The following KIRREL3 variants were observed in gnomAD, a reference collection of about 807,000 sequenced individuals.
KIRREL3 encodes kin of IRRE-like protein 3.
In KIRREL3, 36 loss-of-function variants were observed where a neutral mutation model predicts 89.7. The observed-to-expected ratio is 0.40, with a 90% CI of 0.31 to 0.53. The LOEUF (loss-of-function observed/expected upper bound fraction) is 0.53. KIRREL3 is among the 20% of genes least tolerant of loss of function. The pLI, the probability that KIRREL3 is intolerant of heterozygous loss-of-function variation, is 0.49. For missense variants in KIRREL3, 864 were observed against 1,056.6 expected (o/e 0.82, Z 2.53); for synonymous variants, 445 against 441.4 (o/e 1.01, Z -0.10).
intron 1 of KIRREL3, among the ~76,000 whole-genome samples, chr11:126,864,034 C>T (rs922354264): frequency 3.3e-5 from 5 of 152,232 alleles, no homozygotes; most frequent in African/African-American, 1.2e-4. Context: ...TACTAGTTTC[C>T]TCCGCTCCTC....
At chr11:126,637,518 T>G (rs1304384019) in intron 1 of KIRREL3, among the ~76,000 whole-genome samples, 1 of 152,172 alleles carries the variant, frequency 6.6e-6, no homozygotes, top group East Asian at 1.9e-4. Flanking sequence ...AGAACCCTGG[T>G]GGGCACATTT....
intron 4 of KIRREL3, among the ~76,000 whole-genome samples, chr11:126,497,201 TGAGTGTGAGTGTGTGAGA>T (rs905863009): frequency 1.3e-4 from 5 of 38,892 alleles, no homozygotes; most frequent in Admixed American, 3.0e-4. Context: ...TGAGTGTGTG[TGAGTGTGAGTGTGTGAGA>T]GTGAGTGTGT....
At chr11:126,435,006 G>A (rs1011499177) in intron 13 of KIRREL3, among the ~76,000 whole-genome samples, 1 of 152,134 alleles carries the variant, frequency 6.6e-6, no homozygotes, top group Non-Finnish European at 1.5e-5. Flanking sequence ...GAGCGGGGAC[G>A]AGCAAGAGCC....
At chr11:126,626,702 C>A (rs1015603148) in intron 1 of KIRREL3, among the ~76,000 whole-genome samples, 1 of 152,170 alleles carries the variant, frequency 6.6e-6, no homozygotes, top group Admixed American at 6.5e-5. Flanking sequence ...AAAGAATAAC[C>A]ACAGTTTTGG....
chr11:126,521,490 G>C lies in KIRREL3; in HGVS notation c.284-26C>G. The C allele has an allele frequency of 6.4e-7, 1 of 1,567,262 alleles. No homozygotes were observed. Among genetic ancestry groups the C allele is most frequent in the Non-Finnish European group, 8.6e-7 (1 of 1,156,312 alleles). On this transcript the variant is annotated intron_variant, in intron 3 of 16. Coordinates refer to ENST00000525144, the MANE Select transcript of KIRREL3 (RefSeq NM_032531.4). The surrounding 1 kb of genome is among the most constrained non-coding windows in gnomAD (Gnocchi z 4.1). Reference sequence around the variant, plus strand: ...CTGTGGAGACAACAGGCAGGTCAGGGAGCTGGGGTGGGGTGGAGGGGACAC... The same window carrying C: ...CTGTGGAGACAACAGGCAGGTCAGGCAGCTGGGGTGGGGTGGAGGGGACAC...
rs1478725262 is a variant in KIRREL3 at position 126,664,756 on chromosome 11, C to T, written c.56-101844G>A. Among the ~76,000 whole-genome samples the T allele has an allele frequency of 6.6e-6, 1 of 152,160 alleles. No individual in the cohort carries two copies. The highest frequency in any genetic ancestry group is 1.5e-5 in the Non-Finnish European group (1 of 68,032). ...GGGTCCTGGGAGGCTGTTTCAATGA[C>T]ATCTCATAGAGACACTTTCCTTTCT... is the stretch of plus-strand genomic sequence containing the variant. On this transcript the variant is annotated intron_variant, in intron 1 of 16. Transcript: ENST00000525144. This position sits in a 1 kb window ranked among gnomAD's most constrained non-coding sequence, Gnocchi z 5.4.
chr11:126,795,531 G>C lies in KIRREL3; in HGVS notation c.55+204924C>G, dbSNP rs1365891049. ...ACTACAGGCGTGTGCCACCACACCT[G>C]GCTAATTTTTTTAAAATATATTTTT... On this transcript the variant is annotated intron_variant, in intron 1 of 16. Coordinates refer to ENST00000525144, the MANE Select transcript of KIRREL3 (RefSeq NM_032531.4). The surrounding 1 kb of genome is among the most constrained non-coding windows in gnomAD (Gnocchi z 4.1). Among the ~76,000 whole-genome samples, 1 of 151,906 alleles carries C rather than the reference G, an allele frequency of 6.6e-6. No homozygotes were observed. The highest frequency in any genetic ancestry group is 1.5e-5 in the Non-Finnish European group (1 of 67,990).
At chr11:126,479,561 C>A (rs565631301) in intron 4 of KIRREL3, among the ~76,000 whole-genome samples, 23 of 152,324 alleles carry the variant, frequency 1.5e-4, no homozygotes, top group African/African-American at 5.1e-4. Context: ...AGACCCCAGA[C>A]AATTCACATA....
intron 1 of KIRREL3, among the ~76,000 whole-genome samples, chr11:126,648,129 C>A (rs1370070499): frequency 6.6e-6 from 1 of 152,168 alleles, no homozygotes. Context: ...TTCACTTCTT[C>A]CTCCTGCTCT....
intron 1 of KIRREL3, among the ~76,000 whole-genome samples, chr11:126,840,723 C>T (rs1943938120): frequency 1.3e-5 from 2 of 152,190 alleles, no homozygotes; most frequent in Admixed American, 1.3e-4. Context: ...GCAATTTCTC[C>T]AGGCTGTCTA....
chr11:126,700,369 T>A (rs1162380961), intron 1 of KIRREL3, among the ~76,000 whole-genome samples: 1 of 152,210 alleles, frequency 6.6e-6, no homozygotes, highest in Non-Finnish European at 1.5e-5. Context: ...CTTATTTTCC[T>A]CTTCATTACA....
chr11:126,862,146 C>T (rs541222892), intron 1 of KIRREL3, among the ~76,000 whole-genome samples: 8 of 152,310 alleles, frequency 5.3e-5, no homozygotes, highest in South Asian at 2.1e-4. Flanking sequence ...CTGAGCTCTT[C>T]CCCTAGCATC....
chr11:126,942,176 G>A (rs1257663531), intron 1 of KIRREL3, among the ~76,000 whole-genome samples: 1 of 152,136 alleles, frequency 6.6e-6, no homozygotes, highest in Non-Finnish European at 1.5e-5. Context: ...CTTCATAGCT[G>A]TAATCAAGGT....
At chr11:126,617,313 T>C (rs985931867) in intron 1 of KIRREL3, among the ~76,000 whole-genome samples, 2 of 152,198 alleles carry the variant, frequency 1.3e-5, no homozygotes, top group African/African-American at 4.8e-5. Context: ...TCTTCTCTCT[T>C]ATAACTCTGA....
At chr11:126,425,605 T>G (rs1369929795) in intron 16 of KIRREL3, 33 bp downstream of exon 16, 25 of 1,515,002 alleles carry the variant, frequency 1.7e-5, no homozygotes, top group Non-Finnish European at 2.2e-5. Context: ...CCAGATTCCA[T>G]GGCTGTGTCT....
In KIRREL3 at chr11:126,983,150, CTAACTTA is replaced by C. The variant is rs969448275; in HGVS notation, c.55+17298_55+17304del. Among the ~76,000 whole-genome samples, 5 of 151,916 alleles carry C rather than the reference CTAACTTA, an allele frequency of 3.3e-5. No individual in the cohort carries two copies. Among genetic ancestry groups the C allele is most frequent in the African/African-American group, 1.2e-4 (5 of 41,364 alleles). On this transcript the variant is annotated intron_variant, in intron 1 of 16. Transcript: ENST00000525144. This position sits in a 1 kb window ranked among gnomAD's most constrained non-coding sequence, Gnocchi z 4.9. ...ATATACATGGGGAAGGTCATTTTTT[CTAACTTA>C]TAAGTAGTGAGGCTACTTGTAGGTA...
At position 126,473,410 on chromosome 11, in the gene KIRREL3, C is replaced by G. The variant is rs1231581897; in HGVS notation, c.490G>C (p.Asp164His). Residue 164 changes from aspartate to histidine, a missense_variant, in exon 5 of 17, where the codon GAC (aspartate) becomes CAC (histidine). By Grantham distance (81) the Asp-to-His change is moderately conservative. Coordinates refer to ENST00000525144, the MANE Select transcript of KIRREL3 (RefSeq NM_032531.4). ...GGPVISLRAGDPLNLTCHADN... is the reference protein window; with the variant it reads ...GGPVISLRAGHPLNLTCHADN... ...GCGTGGCAGGTGAGGTTGAGAGGGT[C>G]CCCCGCACGCAGGCTGATCACAGGG... is the stretch of plus-strand genomic sequence containing the variant. 20 of 1,586,126 alleles carry G rather than the reference C, an allele frequency of 1.3e-5. No homozygotes were observed. The highest frequency in any genetic ancestry group is 1.7e-5 in the Non-Finnish European group (20 of 1,163,940).
At position 126,686,969 on chromosome 11, in the gene KIRREL3, C is replaced by T. The variant is rs182394244; in HGVS notation, c.56-124057G>A. 3.5e-4 allele frequency among the ~76,000 whole-genome samples: 53 copies of T among 152,230 alleles called. No homozygotes were observed. The highest frequency in any genetic ancestry group is 3.2e-3 in the Admixed American group (49 of 15,292). On this transcript the variant is annotated intron_variant, in intron 1 of 16. Coordinates refer to ENST00000525144, the MANE Select transcript of KIRREL3 (RefSeq NM_032531.4). This position sits in a 1 kb window ranked among gnomAD's most constrained non-coding sequence, Gnocchi z 4.7. ...TTGAGAAGAGTCAAATTCAGAAGGCCTGACAGAGATGACATCCCTGGAACT... is the reference window on the plus strand; with the variant it reads ...TTGAGAAGAGTCAAATTCAGAAGGCTTGACAGAGATGACATCCCTGGAACT...
In KIRREL3 at chr11:126,879,743, A is replaced by G. The variant is rs867938566; in HGVS notation, c.55+120712T>C. Reference sequence around the variant, plus strand: ...TCTGAGTGGGTCATCTGAGAGAATTATCCTTTGGCCAAGAGACCACTTAGA... The same window carrying G: ...TCTGAGTGGGTCATCTGAGAGAATTGTCCTTTGGCCAAGAGACCACTTAGA... On this transcript the variant is annotated intron_variant, in intron 1 of 16. Coordinates refer to ENST00000525144, the MANE Select transcript of KIRREL3 (RefSeq NM_032531.4). This position sits in a 1 kb window ranked among gnomAD's most constrained non-coding sequence, Gnocchi z 5.4. 5.3e-5 allele frequency among the ~76,000 whole-genome samples: 8 copies of G among 152,304 alleles called. No homozygotes were observed. The highest frequency in any genetic ancestry group is 3.4e-3 in the Middle Eastern group (1 of 294).
Sources: allele counts gnomAD v4.1 joint callset (sites outside exome capture counted in the v4.1 genomes callset), GRCh38; gene constraint gnomAD v4.1.1; non-coding constraint Gnocchi (gnomAD v3.1); transcripts MANE v1.5; gene names NCBI Gene and HGNC (gene_info 2026-07-23, HGNC 2026-07-21).